SPI1: variants seen among roughly 807,000 people sequenced by gnomAD.
The protein encoded by SPI1 is transcription factor PU.1.
Under a neutral mutation model 30.7 loss-of-function variants are expected in SPI1, and 3 were observed. The ratio of observed to expected loss-of-function variants is 0.10; its 90% CI spans 0.04 to 0.25. The LOEUF is 0.25. SPI1 is among the 10% of genes least tolerant of loss of function. The pLI is 1.00. For synonymous variants in SPI1, 169 were observed against 157.1 expected, an observed-to-expected ratio of 1.08 and a Z score of -0.56; for missense variants, 261 against 371.5, an observed-to-expected ratio of 0.70 and a Z score of 2.45.
In SPI1 at chr11:47,359,646, A is replaced by G. The variant is rs1427744831; in HGVS notation, c.330+207T>C. On this transcript the variant is annotated intron_variant, in intron 3 of 4. Transcript: ENST00000378538. This position sits in a 1 kb window ranked among gnomAD's most constrained non-coding sequence, Gnocchi z 5.1. Reference sequence around the variant, plus strand: ...TGCGAGAATTATCTGGGGTCTGTCCATACTCGGGGTGAGATGAGATAAGGG... The same window carrying G: ...TGCGAGAATTATCTGGGGTCTGTCCGTACTCGGGGTGAGATGAGATAAGGG... Among the ~76,000 whole-genome samples, 9 of 151,720 alleles carry G rather than the reference A, an allele frequency of 5.9e-5. No individual in the cohort carries two copies. Among genetic ancestry groups the G allele is most frequent in the Non-Finnish European group, 1.2e-4 (8 of 67,930 alleles).
In SPI1 at chr11:47,360,063, A is replaced by G. The variant is rs769506463; in HGVS notation, c.143-23T>C. On this transcript the variant is annotated intron_variant, in intron 2 of 4. Coordinates refer to ENST00000378538, the MANE Select transcript of SPI1 (RefSeq NM_003120.3). ...GGTCTGTGGGGGACAGCCAGGCAGT[A>G]TGGGGTGAGCTCAGGGTTGGGCAGG... The G allele has an allele frequency of 2.7e-6, 4 of 1,468,194 alleles. No individual in the cohort carries two copies. The South Asian group carries it at 5.0e-5, about 19-fold the overall frequency. The allele number at this position is 1,468,194 out of a possible 1,614,324, so 90.9% of individuals were successfully genotyped here.
chr11:47,360,089 GCA>G, intron 2 of SPI1, 49 bp from the exon 3 acceptor site: 71 of 1,428,694 alleles, frequency 5.0e-5, no homozygotes, highest in Middle Eastern at 1.9e-4. Flanking sequence ...GTTGGGCAGG[GCA>G]GGAAAAGGTT....
chr11:47,355,213 C>CG lies in SPI1; in HGVS notation c.*13dup. The CG allele has an allele frequency of 7.5e-7, 1 of 1,339,564 alleles. No individual in the cohort carries two copies. The highest frequency in any genetic ancestry group is 1.6e-5 in the African/African-American group (1 of 64,490). 83.0% of individuals were successfully genotyped at this position (1,339,564 alleles called of 1,614,324 possible). On this transcript the variant is annotated 3_prime_UTR_variant, in exon 5 of 5. Coordinates refer to ENST00000378538, the MANE Select transcript of SPI1 (RefSeq NM_003120.3). ...AGCGGGGAGGCCTGGCGGGGCCCGG[C>CG]GGGGGCTGCGGGCTCAGTGGGGCGG...
intron 2 of SPI1, among the ~76,000 whole-genome samples, chr11:47,370,234 C>T (rs1365322005): frequency 6.6e-6 from 1 of 151,912 alleles, no homozygotes. Context: ...GAAACCCCAC[C>T]TCTACTAAAA....
chr11:47,360,001 T>C lies in SPI1; in HGVS notation c.182A>G (p.Glu61Gly). 1 of 1,599,478 alleles carries C rather than the reference T, an allele frequency of 6.3e-7. No homozygotes were observed. The highest frequency in any genetic ancestry group is 8.5e-7 in the Non-Finnish European group (1 of 1,171,530). The change falls in exon 3 of 5, where the codon GAG becomes GGG. Residue 61 changes from glutamate (E) to glycine (G), a missense_variant. Glu to Gly is a moderately conservative substitution (Grantham distance 98). Around this residue, in one of 5 missense-constraint regions of SPI1, gnomAD observed 78 missense variants for 93.2 expected, o/e 0.84. Transcript: ENST00000378538. ...GTTGTTCTCGGCGAAGCTCTCGAACTCGCTGTGCACGTGGTGGGGGTGGAA... is the reference window on the plus strand; with the variant it reads ...GTTGTTCTCGGCGAAGCTCTCGAACCCGCTGTGCACGTGGTGGGGGTGGAA... ...WDFHPHHVHS[E>G]FESFAENNFT... is the part of the protein sequence containing the mutation.
chr11:47,364,663 T>G (rs2095925951), intron 2 of SPI1, among the ~76,000 whole-genome samples: 1 of 152,064 alleles, frequency 6.6e-6, no homozygotes. Flanking sequence ...GGCACCCAAT[T>G]GCTCTGTTTT....
chr11:47,356,994 C>G (rs1318859708), intron 4 of SPI1, among the ~76,000 whole-genome samples: 3 of 149,660 alleles, frequency 2.0e-5, no homozygotes, highest in Non-Finnish European at 4.5e-5. Context: ...GCTCACCTAT[C>G]CATACACACA....
At position 47,372,078 on chromosome 11, in the gene SPI1, T is replaced by A. The variant is rs1373182973; in HGVS notation, c.142+3555A>T. Reference sequence around the variant, plus strand: ...CCATGTAGACACTCCGCATTACATCTGCAGAAAATGGTCTCTTTGTCTGAT... The same window carrying A: ...CCATGTAGACACTCCGCATTACATCAGCAGAAAATGGTCTCTTTGTCTGAT... On this transcript the variant is annotated intron_variant, in intron 2 of 4. Transcript: ENST00000378538. 3.3e-5 allele frequency among the ~76,000 whole-genome samples: 5 copies of A among 151,724 alleles called. No homozygotes were observed. The East Asian group carries it at 9.7e-4, about 29-fold the overall frequency.
At chr11:47,362,232 C>T (rs1443765347) in intron 2 of SPI1, among the ~76,000 whole-genome samples, 2 of 152,090 alleles carry the variant, frequency 1.3e-5, no homozygotes, top group East Asian at 1.9e-4. Context: ...TAAACATTAA[C>T]TTCATCATTA....
intron 2 of SPI1, among the ~76,000 whole-genome samples, chr11:47,368,540 T>TG (rs2095931555): frequency 6.6e-6 from 1 of 152,162 alleles, no homozygotes; most frequent in Admixed American, 6.5e-5. Flanking sequence ...ACGTGGCACA[T>TG]GCGCAAAACG....
intron 4 of SPI1, among the ~76,000 whole-genome samples, chr11:47,356,870 CACATT>C (rs2095910951): frequency 6.8e-6 from 1 of 147,216 alleles, no homozygotes; most frequent in African/African-American, 2.5e-5. Context: ...ACACACATCT[CACATT>C]ACTCAGCTAC....
chr11:47,378,180 A>G (rs2095944877), intron 1 of SPI1, 129 bp downstream of exon 1: 1 of 1,007,118 alleles, frequency 9.9e-7, no homozygotes, highest in Non-Finnish European at 1.5e-6. Flanking sequence ...CAGGAGTTCC[A>G]GGGAGGAAAC....
intron 2 of SPI1, among the ~76,000 whole-genome samples, chr11:47,361,769 T>G (rs1179086432): frequency 6.6e-6 from 1 of 152,168 alleles, no homozygotes; most frequent in Non-Finnish European, 1.5e-5. Flanking sequence ...CACACATCCC[T>G]AATAGATAAT....
intron 2 of SPI1, among the ~76,000 whole-genome samples, chr11:47,362,122 G>A (rs1160829876): frequency 6.6e-6 from 1 of 152,140 alleles, no homozygotes; most frequent in East Asian, 1.9e-4. Flanking sequence ...GTTAAATGGG[G>A]CTAACAATTA....
chr11:47,362,430 G>A (rs2095922086), intron 2 of SPI1, among the ~76,000 whole-genome samples: 1 of 152,024 alleles, frequency 6.6e-6, no homozygotes, highest in Non-Finnish European at 1.5e-5. Context: ...AAATTTGCCA[G>A]ACATGGTGGC....
chr11:47,366,944 T>C (rs1282802708), intron 2 of SPI1, among the ~76,000 whole-genome samples: 1 of 152,246 alleles, frequency 6.6e-6, no homozygotes, highest in Non-Finnish European at 1.5e-5. Flanking sequence ...ATTCTTTTCC[T>C]TGTTACAAAG....
chr11:47,357,891 C>G (rs1343659950), intron 4 of SPI1, among the ~76,000 whole-genome samples: 1 of 152,016 alleles, frequency 6.6e-6, no homozygotes, highest in Non-Finnish European at 1.5e-5. Flanking sequence ...TGCTCACACA[C>G]TCATTCACAC....
intron 2 of SPI1, among the ~76,000 whole-genome samples, chr11:47,363,532 A>C (rs963394352): frequency 8.6e-5 from 13 of 152,020 alleles, no homozygotes; most frequent in African/African-American, 3.1e-4. Context: ...AAAAAAAAAA[A>C]TCTCTTTTTA....
At position 47,374,211 on chromosome 11, in the gene SPI1, GA is replaced by G. The variant is rs1265690445; in HGVS notation, c.142+1421del. Among the ~76,000 whole-genome samples the G allele has an allele frequency of 1.3e-5, 2 of 152,248 alleles. No individual in the cohort carries two copies. The highest frequency in any genetic ancestry group is 2.4e-5 in the African/African-American group (1 of 41,464). The stretch of plus-strand genomic sequence containing the variant: ...CTTCACTCTGGTAGGGAGAGCTGGG[GA>G]TGGAGTTGGGGGAGGGGGACTTTCT... On this transcript the variant is annotated intron_variant, in intron 2 of 4. Coordinates refer to ENST00000378538, the MANE Select transcript of SPI1 (RefSeq NM_003120.3). The surrounding 1 kb of genome is among the most constrained non-coding windows in gnomAD (Gnocchi z 4.5).
Sources: gnomAD v4.1 joint callset for allele counts (sites outside exome capture counted in the v4.1 genomes callset) on GRCh38, gnomAD v4.1.1 for gene constraint, gnomAD v4.1.1 regional missense constraint, Gnocchi (gnomAD v3.1) non-coding constraint, MANE v1.5 for transcripts, NCBI Gene and HGNC (gene_info 2026-07-23, HGNC 2026-07-21) for gene names.